NRG3: variants seen among roughly 807,000 people sequenced by gnomAD.
The protein encoded by NRG3 is pro-neuregulin-3, membrane-bound isoform.
In NRG3, 31 loss-of-function variants were observed where a neutral mutation model predicts 66.9. That is an observed-to-expected ratio of 0.46 (90% CI 0.35 to 0.63). NRG3 has a LOEUF of 0.63. NRG3 is among the 20% of genes least tolerant of loss of function. NRG3 has a pLI of 0.00. For missense variants in NRG3, 910 were observed against 878.9 expected (o/e 1.04, Z -0.45); for synonymous variants, 393 against 359.4 (o/e 1.09, Z -1.06).
At chr10:82,399,155 A>AT in intron 2 of NRG3, among the ~76,000 whole-genome samples, 1 of 152,264 alleles carries the variant, frequency 6.6e-6, no homozygotes, top group East Asian at 1.9e-4. Flanking sequence ...ATTAACAAAT[A>AT]TTTTTCATTG....
At chr10:82,721,172 C>A (rs1240933324) in intron 2 of NRG3, among the ~76,000 whole-genome samples, 1 of 138,212 alleles carries the variant, frequency 7.2e-6, no homozygotes, top group African/African-American at 2.8e-5. Flanking sequence ...CCCTCTGTCA[C>A]CCAGGCTGGA....
intron 2 of NRG3, among the ~76,000 whole-genome samples, chr10:82,550,656 A>C (rs996800996): frequency 6.6e-6 from 1 of 152,136 alleles, no homozygotes; most frequent in South Asian, 2.1e-4. Context: ...TATGTAATTC[A>C]TGTGTAATAA....
chr10:82,075,217 G>A (rs1252009724), intron 1 of NRG3, among the ~76,000 whole-genome samples: 1 of 152,228 alleles, frequency 6.6e-6, no homozygotes, highest in Non-Finnish European at 1.5e-5. Flanking sequence ...TTATGTATAT[G>A]TTGGACTTCT....
In NRG3 at chr10:82,058,143, A is replaced by G. The variant is rs909519918; in HGVS notation, c.823+181980A>G. Among the ~76,000 whole-genome samples the G allele has an allele frequency of 7.2e-5, 11 of 152,066 alleles. 1 individual carries two copies. The highest frequency in any genetic ancestry group is 6.6e-4 in the Admixed American group (10 of 15,260). On this transcript the variant is annotated intron_variant, in intron 1 of 8. Transcript: ENST00000372141. ...ATTTACTCAAACTTTTATATATACA[A>G]GTCTCATTGGGTGCTTCATCTTTGT...
intron 2 of NRG3, among the ~76,000 whole-genome samples, chr10:82,369,348 C>G (rs72827371): frequency 0.25 from 35,010 of 137,404 alleles, 9,219 homozygotes; most frequent in African/African-American, 0.5. Flanking sequence ...GCTTAGGTTG[C>G]AGTGCACTGG....
intron 1 of NRG3, chr10:82,166,924 T>C (rs2072117168): frequency 2.0e-6 from 1 of 493,424 alleles, no homozygotes; most frequent in Admixed American, 3.2e-5. Flanking sequence ...AAAGATGTGC[T>C]TGACTGTCTT....
At chr10:82,136,729 C>A (rs1035306402) in intron 1 of NRG3, among the ~76,000 whole-genome samples, 1 of 152,116 alleles carries the variant, frequency 6.6e-6, no homozygotes. Flanking sequence ...CTTTATTCAG[C>A]AGAACTTGGG....
intron 2 of NRG3, among the ~76,000 whole-genome samples, chr10:82,499,665 A>G (rs1316352760): frequency 2.0e-5 from 3 of 152,182 alleles, no homozygotes; most frequent in African/African-American, 7.2e-5. Context: ...ACATTCTGGG[A>G]AGTTATATAA....
At chr10:82,847,553 G>A (rs976877163) in intron 3 of NRG3, among the ~76,000 whole-genome samples, 2 of 152,182 alleles carry the variant, frequency 1.3e-5, no homozygotes, top group South Asian at 4.1e-4. Context: ...ATAATTAAAT[G>A]CGAATATCTT....
chr10:82,319,196 G>A (rs946061952), intron 1 of NRG3, among the ~76,000 whole-genome samples: 1 of 152,316 alleles, frequency 6.6e-6, no homozygotes, highest in East Asian at 1.9e-4. Flanking sequence ...CACAGAGCTG[G>A]CCCTGCAGAG....
At chr10:82,054,424 A>C (rs180686275) in intron 1 of NRG3, among the ~76,000 whole-genome samples, 2 of 152,302 alleles carry the variant, frequency 1.3e-5, no homozygotes, top group Admixed American at 1.3e-4. Context: ...TGCATAAAAG[A>C]CTAAGTGGAA....
chr10:82,023,878 A>G (rs1015259281), intron 1 of NRG3, among the ~76,000 whole-genome samples: 3 of 151,892 alleles, frequency 2.0e-5, no homozygotes, highest in African/African-American at 7.2e-5. Context: ...AATGAGTTTG[A>G]AAGTTCCCCT....
At chr10:81,946,003 C>T (rs1589553468) in intron 1 of NRG3, among the ~76,000 whole-genome samples, 1 of 152,084 alleles carries the variant, frequency 6.6e-6, no homozygotes, top group East Asian at 1.9e-4. Context: ...CAGAAAGAAC[C>T]AACCTTGCTG....
intron 3 of NRG3, among the ~76,000 whole-genome samples, chr10:82,748,406 C>T (rs1454743740): frequency 6.6e-6 from 1 of 151,064 alleles, no homozygotes; most frequent in East Asian, 1.9e-4. Flanking sequence ...AATAATTACA[C>T]TGGAATAAAA....
At chr10:82,444,671 G>C (rs1564928558) in intron 2 of NRG3, among the ~76,000 whole-genome samples, 1 of 152,120 alleles carries the variant, frequency 6.6e-6, no homozygotes, top group Non-Finnish European at 1.5e-5. Context: ...CAGAGGGAAA[G>C]ACAGGTGTGA....
chr10:82,005,653 C>T (rs981821338), intron 1 of NRG3, among the ~76,000 whole-genome samples: 3 of 152,028 alleles, frequency 2.0e-5, no homozygotes, highest in African/African-American at 7.2e-5. Flanking sequence ...CTTTTTAGGT[C>T]ATTTTAATTT....
chr10:82,313,985 A>G (rs1168183381), intron 1 of NRG3, among the ~76,000 whole-genome samples: 1 of 152,192 alleles, frequency 6.6e-6, no homozygotes, highest in Admixed American at 6.5e-5. Flanking sequence ...AACTGTTTTG[A>G]AATATGAGCT....
chr10:82,952,647 G>T (rs1849654950), intron 5 of NRG3, among the ~76,000 whole-genome samples: 1 of 151,590 alleles, frequency 6.6e-6, no homozygotes. Context: ...CACAGATTTG[G>T]TTCCTACAGC....
At chr10:82,221,900 C>G (rs573176167) in intron 1 of NRG3, among the ~76,000 whole-genome samples, 1 of 151,972 alleles carries the variant, frequency 6.6e-6, no homozygotes, top group Non-Finnish European at 1.5e-5. Flanking sequence ...CATTCTCCCT[C>G]GGGACGGACA....
Sources: allele counts gnomAD v4.1 joint callset (sites outside exome capture counted in the v4.1 genomes callset), GRCh38; gene constraint gnomAD v4.1.1; transcripts MANE v1.5; gene names NCBI Gene and HGNC (gene_info 2026-07-23, HGNC 2026-07-21).